CTIF: variants seen among roughly 807,000 people sequenced by gnomAD.
CTIF encodes cap binding complex dependent translation initiation factor.
CTIF carries 21 observed loss-of-function variants against 66.0 expected under a neutral mutation model. The ratio of observed to expected loss-of-function variants is 0.32; its 90% CI spans 0.23 to 0.46. The LOEUF is 0.46. CTIF is among the 20% of genes least tolerant of loss of function. The pLI is 1.00. For synonymous variants in CTIF, 345 were observed against 326.4 expected, an observed-to-expected ratio of 1.06 and a Z score of -0.62; for missense variants, 739 against 812.7, an observed-to-expected ratio of 0.91 and a Z score of 1.10.
chr18:48,693,120 T>A (rs996561399), intron 6 of CTIF, among the ~76,000 whole-genome samples: 63 of 152,168 alleles, frequency 4.1e-4, no homozygotes, highest in African/African-American at 1.5e-3. Context: ...CACAGAGAAA[T>A]GTACTAGATA....
At chr18:48,752,472 C>T (rs1907924693) in intron 7 of CTIF, among the ~76,000 whole-genome samples, 1 of 152,180 alleles carries the variant, frequency 6.6e-6, no homozygotes, top group Non-Finnish European at 1.5e-5. Context: ...AGTCATATGG[C>T]GTGTTACAGC....
chr18:48,815,156 T>A (rs902855188), intron 9 of CTIF, among the ~76,000 whole-genome samples: 1 of 152,262 alleles, frequency 6.6e-6, no homozygotes, highest in African/African-American at 2.4e-5. Context: ...ATATGTTGTT[T>A]GCTTCACTAT....
intron 9 of CTIF, among the ~76,000 whole-genome samples, chr18:48,768,325 G>A (rs1325762367): frequency 6.6e-6 from 1 of 152,118 alleles, no homozygotes; most frequent in Admixed American, 6.5e-5. Context: ...CTGGCTTCAT[G>A]GTTCATAGTA....
chr18:48,597,985 C>T (rs1310891777), intron 1 of CTIF, among the ~76,000 whole-genome samples: 1 of 152,120 alleles, frequency 6.6e-6, no homozygotes, highest in Non-Finnish European at 1.5e-5. Context: ...TAGGATGGAG[C>T]CTCTATCACC....
At chr18:48,780,699 G>C (rs1911123375) in intron 9 of CTIF, among the ~76,000 whole-genome samples, 1 of 152,232 alleles carries the variant, frequency 6.6e-6, no homozygotes, top group African/African-American at 2.4e-5. Context: ...CACTCTCCCA[G>C]GCTTCCCTCC....
At position 48,664,524 on chromosome 18, in the gene CTIF, A is replaced by G; in HGVS notation, c.404A>G (p.Gln135Arg). Residue 135 changes from glutamine to arginine, a missense_variant, in exon 5 of 12, where the codon CAG becomes CGG. Around this residue, in one of 2 missense-constraint regions of CTIF, gnomAD observed 529 missense variants for 520.3 expected, o/e 1.02. Coordinates refer to ENST00000256413, the MANE Select transcript of CTIF (RefSeq NM_014772.3). Reference protein sequence around the residue: ...FHRKVRHTPKQPLPHIDREGC... With the variant: ...FHRKVRHTPKRPLPHIDREGC... Reference sequence around the variant, plus strand: ...CGCAAAGTCCGACACACGCCCAAGCAGCCCCTGCCACACATCGACCGCGAA... The same window carrying G: ...CGCAAAGTCCGACACACGCCCAAGCGGCCCCTGCCACACATCGACCGCGAA... 1.2e-6 allele frequency: 2 copies of G among 1,612,870 alleles called. No individual in the cohort carries two copies. Among genetic ancestry groups the G allele is most frequent in the Admixed American group, 1.7e-5 (1 of 60,026 alleles).
At chr18:48,618,171 A>G (rs2090431278) in intron 1 of CTIF, among the ~76,000 whole-genome samples, 1 of 152,192 alleles carries the variant, frequency 6.6e-6, no homozygotes, top group African/African-American at 2.4e-5. Flanking sequence ...AACACTCAAC[A>G]AACCCTAGAT....
intron 1 of CTIF, among the ~76,000 whole-genome samples, chr18:48,572,373 A>C (rs2089435997): frequency 1.3e-5 from 2 of 152,156 alleles, no homozygotes; most frequent in African/African-American, 4.8e-5. Flanking sequence ...ACCATCACAG[A>C]TCCAAGAAGG....
intron 1 of CTIF, among the ~76,000 whole-genome samples, chr18:48,552,004 G>C (rs1030760479): frequency 6.6e-6 from 1 of 152,084 alleles, no homozygotes; most frequent in Non-Finnish European, 1.5e-5. Context: ...GGGTTTCACT[G>C]TGTCAGCCAG....
intron 1 of CTIF, among the ~76,000 whole-genome samples, chr18:48,582,253 G>GGGCAGGA (rs2089674120): frequency 1.3e-5 from 2 of 152,052 alleles, no homozygotes; most frequent in Admixed American, 6.5e-5. Flanking sequence ...AGGCGGCAGG[G>GGGCAGGA]GGCAGGAGGC....
At chr18:48,591,479 T>A (rs998089883) in intron 1 of CTIF, among the ~76,000 whole-genome samples, 2 of 152,202 alleles carry the variant, frequency 1.3e-5, no homozygotes, top group African/African-American at 4.8e-5. Context: ...TGTGTGACCT[T>A]GGTGTCTGAA....
Position 48,860,772 on chromosome 18 carries a change from G to A in CTIF, c.*1213G>A, listed in dbSNP as rs1478903861. 2 of 152,296 alleles carry A rather than the reference G, an allele frequency of 1.3e-5. No individual in the cohort carries two copies. The highest frequency in any genetic ancestry group is 4.8e-5 in the African/African-American group (2 of 41,462). The allele number at this position is 152,296 out of a possible 1,614,324, so 9.4% of individuals were successfully genotyped here. On this transcript the variant is annotated 3_prime_UTR_variant, in exon 12 of 12. Coordinates refer to ENST00000256413, the MANE Select transcript of CTIF (RefSeq NM_014772.3). The stretch of plus-strand genomic sequence containing the variant: ...GCCCTCCGTGAGCTCTTGGGAAAGG[G>A]GTGAATTCACTGGGTCATGGAAGGG...
At chr18:48,551,326 A>T (rs1466690305) in intron 1 of CTIF, among the ~76,000 whole-genome samples, 1 of 151,986 alleles carries the variant, frequency 6.6e-6, no homozygotes, top group Non-Finnish European at 1.5e-5. Context: ...CACCCAGTCT[A>T]TGGTGGCCTG....
At chr18:48,677,695 C>T (rs1389427586) in intron 6 of CTIF, among the ~76,000 whole-genome samples, 1 of 152,212 alleles carries the variant, frequency 6.6e-6, no homozygotes, top group Non-Finnish European at 1.5e-5. Flanking sequence ...CTCGATTCTT[C>T]CCTGCAGCGC....
intron 6 of CTIF, among the ~76,000 whole-genome samples, chr18:48,696,179 A>G (rs963194507): frequency 1.3e-5 from 2 of 152,208 alleles, no homozygotes; most frequent in Admixed American, 6.5e-5. Context: ...GGGCTCTGGC[A>G]TGGGGCGGGG....
chr18:48,814,997 G>A (rs1346642858), intron 9 of CTIF, among the ~76,000 whole-genome samples: 6 of 152,218 alleles, frequency 3.9e-5, no homozygotes, highest in East Asian at 3.8e-4. Flanking sequence ...ACAAGGGACC[G>A]TGTGGACAAA....
chr18:48,563,005 A>G (rs2089196854), intron 1 of CTIF, among the ~76,000 whole-genome samples: 1 of 152,224 alleles, frequency 6.6e-6, no homozygotes, highest in Non-Finnish European at 1.5e-5. Context: ...GCTGAATGTC[A>G]CCTTCCCTGC....
chr18:48,731,858 T>G (rs1348203962), intron 7 of CTIF, among the ~76,000 whole-genome samples: 2 of 152,198 alleles, frequency 1.3e-5, no homozygotes, highest in Non-Finnish European at 2.9e-5. Flanking sequence ...AATAAATCTT[T>G]CAGGTTTTGC....
In CTIF at chr18:48,768,613, A is replaced by G. The variant is rs113891547; in HGVS notation, c.1371+6924A>G. On this transcript the variant is annotated intron_variant, in intron 9 of 11. Transcript: ENST00000256413. Reference sequence around the variant, plus strand: ...TAAGGCTCAAAAACTTGGGAAAATCAAGAATCCATATCATGGTTGGGAGCA... The same window carrying G: ...TAAGGCTCAAAAACTTGGGAAAATCGAGAATCCATATCATGGTTGGGAGCA... Among the ~76,000 whole-genome samples the G allele has an allele frequency of 8.4e-3, 1,273 of 152,350 alleles. 17 individuals are homozygous for G. Among genetic ancestry groups the G allele is most frequent in the African/African-American group, 0.029 (1,211 of 41,590 alleles).
Sources: gnomAD v4.1 joint callset for allele counts (sites outside exome capture counted in the v4.1 genomes callset) on GRCh38, gnomAD v4.1.1 for gene constraint, gnomAD v4.1.1 regional missense constraint, MANE v1.5 for transcripts, NCBI Gene and HGNC (gene_info 2026-07-23, HGNC 2026-07-21) for gene names.